The following GMNN variants were observed in gnomAD, a reference collection of about 807,000 sequenced individuals.
The protein encoded by GMNN is geminin DNA replication inhibitor.
Under a neutral mutation model 20.9 loss-of-function variants are expected in GMNN, and 14 were observed. The observed-to-expected ratio is 0.67, with a 90% confidence interval of 0.44 to 1.05. GMNN has a LOEUF of 1.05. GMNN is among the 50% of genes least tolerant of loss of function. The pLI is 0.00. For missense variants in GMNN, 227 were observed against 243.8 expected (o/e 0.93, Z 0.46); for synonymous variants, 81 against 85.8 (o/e 0.94, Z 0.31).
At chr6:24,782,435 A>G (rs993117194) in intron 4 of GMNN, among the ~76,000 whole-genome samples, 14 of 152,210 alleles carry the variant, frequency 9.2e-5, no homozygotes, top group Non-Finnish European at 2.1e-4. Context: ...TTGAATGTTA[A>G]GTACTGATGA....
intron 4 of GMNN, 146 bp from the exon 5 acceptor site, chr6:24,783,940 AT>A: frequency 2.4e-6 from 1 of 421,322 alleles, no homozygotes. Flanking sequence ...AAATAGAATA[AT>A]ATTGATTTTA....
chr6:24,782,397 T>C (rs1342027848), intron 4 of GMNN, among the ~76,000 whole-genome samples: 1 of 152,212 alleles, frequency 6.6e-6, no homozygotes, highest in Non-Finnish European at 1.5e-5. Context: ...TTATGGAAGA[T>C]TATTATTTCT....
intron 4 of GMNN, among the ~76,000 whole-genome samples, chr6:24,782,020 G>A (rs1410011052): frequency 1.3e-5 from 2 of 151,942 alleles, no homozygotes; most frequent in African/African-American, 2.4e-5. Context: ...GTTTGTGGCC[G>A]CAATAAGCTA....
At chr6:24,775,396 C>T (rs1258064872) in intron 1 of GMNN, 152 bp downstream of exon 1, 1 of 152,288 alleles carries the variant, frequency 6.6e-6, no homozygotes, top group Non-Finnish European at 1.5e-5. Context: ...AGGCGCGCGC[C>T]GCGGTTGGTA....
In GMNN at chr6:24,781,633, T is replaced by C. The variant is rs201417437; in HGVS notation, c.274+12T>C. Reference sequence around the variant, plus strand: ...TCTTATGATTAAAGGTATGAAAAAATAGATAACTTTTGTCTTAATTTTAAA... The same window carrying C: ...TCTTATGATTAAAGGTATGAAAAAACAGATAACTTTTGTCTTAATTTTAAA... On this transcript the variant is annotated intron_variant, in intron 4 of 6. Transcript: ENST00000230056. 145 of 1,310,564 alleles carry C rather than the reference T, an allele frequency of 1.1e-4. No homozygotes were observed. The South Asian group carries it at 1.4e-3, about 13-fold the overall frequency. The allele number at this position is 1,310,564 out of a possible 1,614,324, so 81.2% of individuals were successfully genotyped here. A position where few individuals can be genotyped will look rare whatever the true frequency, so the allele number is the denominator to read the frequency against.
chr6:24,781,375 G>C (rs767871885), intron 3 of GMNN, 102 bp from the exon 4 acceptor site: 24 of 644,484 alleles, frequency 3.7e-5, no homozygotes, highest in Non-Finnish European at 5.3e-6. Context: ...ATGTGAAAAA[G>C]TTAGATATGC....
intron 6 of GMNN, 75 bp from the exon 7 acceptor site, chr6:24,785,563 G>A: frequency 1.5e-6 from 1 of 686,900 alleles, no homozygotes; most frequent in Non-Finnish European, 2.5e-6. Flanking sequence ...TGCTATACGG[G>A]TCAGCTATAT....
chr6:24,784,230 C>T, intron 5 of GMNN, 61 bp downstream of exon 5: 1 of 915,578 alleles, frequency 1.1e-6, no homozygotes, highest in South Asian at 1.4e-5. Flanking sequence ...TGCTGCTTAG[C>T]ATATTTTATT....
At chr6:24,777,099 T>C in intron 1 of GMNN, 123 bp from the exon 2 acceptor site, 12 of 414,582 alleles carry the variant, frequency 2.9e-5, no homozygotes. Flanking sequence ...CAGGGCTGAG[T>C]TTGGATTAAG....
chr6:24,785,863 A>G lies in GMNN; in HGVS notation c.*64A>G. Reference sequence around the variant, plus strand: ...AAGTTTACCTCCACTAGTTCTTTGTAGCAGAGTACATAACTACATAATGCC... The same window carrying G: ...AAGTTTACCTCCACTAGTTCTTTGTGGCAGAGTACATAACTACATAATGCC... On this transcript the variant is annotated 3_prime_UTR_variant, in exon 7 of 7. Transcript: ENST00000230056. 1.0e-6 allele frequency: 1 copy of G among 974,952 alleles called. No individual in the cohort carries two copies. 60.4% of individuals were successfully genotyped at this position (974,952 alleles called of 1,614,324 possible).
intron 6 of GMNN, among the ~76,000 whole-genome samples, chr6:24,785,433 T>G (rs1398101161): frequency 6.6e-6 from 1 of 152,088 alleles, no homozygotes; most frequent in East Asian, 1.9e-4. Context: ...AAAAGACAAA[T>G]TATTAAACAC....
Position 24,781,474 on chromosome 6 carries a change from T to C in GMNN, c.130-3T>C. 1 of 1,584,586 alleles carries C rather than the reference T, an allele frequency of 6.3e-7. No homozygotes were observed. On this transcript the variant is annotated splice_polypyrimidine_tract_variant and splice_region_variant and intron_variant, in intron 3 of 6. Transcript: ENST00000230056. Reference sequence around the variant, plus strand: ...ATACAGTTGATAAGTGTTTTCATTATAGCTGTCCGCAGGCTTGTCCAAAAG... The same window carrying C: ...ATACAGTTGATAAGTGTTTTCATTACAGCTGTCCGCAGGCTTGTCCAAAAG...
In GMNN at chr6:24,780,855, G is replaced by A. The variant is rs185575200; in HGVS notation, c.129+115G>A. 282 of 639,662 alleles carry A rather than the reference G, an allele frequency of 4.4e-4. 1 individual carries two copies. Among genetic ancestry groups the A allele is most frequent in the Non-Finnish European group, 6.8e-4 (236 of 348,272 alleles). 39.6% of individuals were successfully genotyped at this position (639,662 alleles called of 1,614,324 possible). On this transcript the variant is annotated intron_variant, in intron 3 of 6. Transcript: ENST00000230056. ...ATTGTTGAAATTTGGAAATAATTTG[G>A]GAATCACAATTATATATTTCCCAAA...
chr6:24,778,086 A>C (rs1324288315), intron 2 of GMNN, among the ~76,000 whole-genome samples: 1 of 152,198 alleles, frequency 6.6e-6, no homozygotes, highest in Non-Finnish European at 1.5e-5. Flanking sequence ...TTCTGACTAG[A>C]TTCATATTTA....
intron 4 of GMNN, among the ~76,000 whole-genome samples, chr6:24,782,738 T>C (rs1002393981): frequency 6.6e-6 from 1 of 152,192 alleles, no homozygotes; most frequent in Non-Finnish European, 1.5e-5. Context: ...ATCATGTTGG[T>C]AATATAACCA....
At chr6:24,776,568 G>A (rs1780076123) in intron 1 of GMNN, among the ~76,000 whole-genome samples, 1 of 152,216 alleles carries the variant, frequency 6.6e-6, no homozygotes, top group South Asian at 2.1e-4. Context: ...ATCTATCGAC[G>A]AGGCACAGGC....
chr6:24,778,820 G>A (rs376643115), intron 2 of GMNN, among the ~76,000 whole-genome samples: 27 of 151,926 alleles, frequency 1.8e-4, no homozygotes, highest in African/African-American at 6.3e-4. Flanking sequence ...AGCAATTACC[G>A]CTATATGGCC....
chr6:24,783,774 G>C (rs1178969555), intron 4 of GMNN, among the ~76,000 whole-genome samples: 1 of 151,934 alleles, frequency 6.6e-6, no homozygotes, highest in East Asian at 1.9e-4. Flanking sequence ...CAAAATAATT[G>C]ATCTGGACTT....
At chr6:24,783,240 G>A (rs528496701) in intron 4 of GMNN, among the ~76,000 whole-genome samples, 12 of 152,186 alleles carry the variant, frequency 7.9e-5, no homozygotes, top group Admixed American at 7.2e-4. Context: ...AATGAATAAC[G>A]TCAAGAATGG....
Sources: allele counts gnomAD v4.1 joint callset (sites outside exome capture counted in the v4.1 genomes callset), GRCh38; gene constraint gnomAD v4.1.1; transcripts MANE v1.5; gene names NCBI Gene and HGNC (gene_info 2026-07-23, HGNC 2026-07-21).